TENM2: variants seen among roughly 807,000 people sequenced by gnomAD.
TENM2 encodes the protein teneurin-2.
TENM2 carries 52 observed loss-of-function variants against 245.2 expected under a neutral mutation model. The observed-to-expected ratio is 0.21, with a 90% CI of 0.17 to 0.27. The LOEUF (loss-of-function observed/expected upper bound fraction) is 0.27, where lower values mean the gene tolerates loss of function less well. Ranked by LOEUF, TENM2 falls within the 10% of genes least tolerant of loss-of-function variation. The pLI, the probability that TENM2 is intolerant of heterozygous loss-of-function variation, is 1.00. For missense variants in TENM2, 3,046 were observed against 3,666.8 expected (o/e 0.83, Z 4.37); for synonymous variants, 1,363 against 1,438.9 (o/e 0.95, Z 1.19).
chr5:168,122,189 T>TTTTGC (rs1554201823), intron 10 of TENM2, among the ~76,000 whole-genome samples: 1 of 152,160 alleles, frequency 6.6e-6, no homozygotes, highest in Non-Finnish European at 1.5e-5. Flanking sequence ...TTTTGTTTTG[T>TTTTGC]TTTTTGAGAC....
At chr5:168,220,904 C>T (rs1763613425) in intron 23 of TENM2, among the ~76,000 whole-genome samples, 1 of 152,080 alleles carries the variant, frequency 6.6e-6, no homozygotes. Flanking sequence ...TGGAGGCCAG[C>T]AGTTTGAGAC....
chr5:167,035,549 C>G, the TENM2 span, among the ~76,000 whole-genome samples: 2 of 152,164 alleles, frequency 1.3e-5, no homozygotes, highest in African/African-American at 4.8e-5. Flanking sequence ...TCACAGTCTC[C>G]TATCTGTTGG....
the TENM2 span, among the ~76,000 whole-genome samples, chr5:167,121,200 T>C: frequency 6.6e-6 from 1 of 152,108 alleles, no homozygotes; most frequent in African/African-American, 2.4e-5. Context: ...TCATGGAGAT[T>C]CTATTCCAGT....
At chr5:167,093,231 C>T in the TENM2 span, among the ~76,000 whole-genome samples, 1 of 152,216 alleles carries the variant, frequency 6.6e-6, no homozygotes, top group African/African-American at 2.4e-5. Context: ...AATATCACTG[C>T]TCCCAGATTC....
chr5:167,285,157 T>G (rs1581663210), intron 1 of TENM2, 94 bp downstream of exon 3: 2 of 950,298 alleles, frequency 2.1e-6, no homozygotes, highest in African/African-American at 1.6e-5. Flanking sequence ...AGCATGGTGG[T>G]TTTTGACAGA....
At chr5:167,988,101 A>C (rs912977977) in intron 4 of TENM2, among the ~76,000 whole-genome samples, 1 of 152,114 alleles carries the variant, frequency 6.6e-6, no homozygotes, top group African/African-American at 2.4e-5. Context: ...CTGTGGAGGG[A>C]TCTGGCCTTG....
At chr5:167,914,676 A>G (rs1417720064) in intron 3 of TENM2, among the ~76,000 whole-genome samples, 1 of 152,190 alleles carries the variant, frequency 6.6e-6, no homozygotes, top group African/African-American at 2.4e-5. Flanking sequence ...CTAGAAGTCC[A>G]AAGTCAAGGT....
intron 13 of TENM2, among the ~76,000 whole-genome samples, chr5:168,184,070 C>T (rs1322066418): frequency 6.6e-6 from 1 of 152,196 alleles, no homozygotes; most frequent in East Asian, 1.9e-4. Flanking sequence ...GCCCTCCCAA[C>T]TAATACCTCC....
chr5:168,021,803 G>A (rs919186071), intron 5 of TENM2, among the ~76,000 whole-genome samples: 12 of 150,068 alleles, frequency 8.0e-5, no homozygotes, highest in African/African-American at 2.5e-4. Flanking sequence ...TATTTTAAAG[G>A]CAGATTCCAC....
At position 168,226,151 on chromosome 5, in the gene TENM2, C is replaced by A. The variant is rs781365198; in HGVS notation, c.5172C>A (p.His1724Gln). 12 of 1,613,718 alleles carry A rather than the reference C, an allele frequency of 7.4e-6. No individual in the cohort carries two copies. The South Asian group carries it at 1.2e-4, about 16-fold the overall frequency. ...CCACGGGGGTGGTAACCAGTCTGCA[C>A]CGGGAAATGGAGAAATCTATTACCA... The change falls in exon 24 of 29, where the codon CAC becomes CAA. Residue 1724 changes from histidine (H) to glutamine (Q), a missense_variant. By Grantham distance (24) the His-to-Gln change is conservative. Around this residue, in one of 2 missense-constraint regions of TENM2, gnomAD observed 2,704 missense variants for 3,331.9 expected, o/e 0.81. Coordinates refer to ENST00000518659, the Ensembl canonical transcript of TENM2.
At chr5:167,375,147 T>G in intron 1 of TENM2, 51 bp from the exon 4 acceptor site, 1 of 1,526,120 alleles carries the variant, frequency 6.6e-7, no homozygotes, top group Non-Finnish European at 8.8e-7. Context: ...ATTTTAACTT[T>G]GTAAAGCATC....
chr5:167,819,398 A>G (rs926611261), intron 2 of TENM2, among the ~76,000 whole-genome samples: 1 of 152,332 alleles, frequency 6.6e-6, no homozygotes, highest in Non-Finnish European at 1.5e-5. Flanking sequence ...CTGTTGAGAG[A>G]AGCAGGTGGC....
intron 2 of TENM2, among the ~76,000 whole-genome samples, chr5:167,837,191 A>G (rs1206260516): frequency 6.6e-6 from 1 of 152,162 alleles, no homozygotes. Flanking sequence ...GTGATTCAAT[A>G]TGTAGTTTCG....
At chr5:167,248,058 C>A in the TENM2 span, among the ~76,000 whole-genome samples, 3 of 152,048 alleles carry the variant, frequency 2.0e-5, no homozygotes, top group African/African-American at 7.2e-5. Context: ...GCAGAGGGAG[C>A]TCTAAAAATA....
At chr5:167,427,916 A>AC (rs1395970094) in intron 2 of TENM2, among the ~76,000 whole-genome samples, 4 of 146,648 alleles carry the variant, frequency 2.7e-5, no homozygotes, top group East Asian at 4.1e-4. Flanking sequence ...GAAGGAAGGG[A>AC]AGGAAGGAAG....
chr5:167,320,157 C>T (rs1483323116), intron 1 of TENM2, among the ~76,000 whole-genome samples: 1 of 152,168 alleles, frequency 6.6e-6, no homozygotes, highest in Non-Finnish European at 1.5e-5. Context: ...CTCATTCTAT[C>T]TTAACAGATG....
At chr5:167,865,214 T>A (rs1772203075) in intron 2 of TENM2, among the ~76,000 whole-genome samples, 1 of 152,220 alleles carries the variant, frequency 6.6e-6, no homozygotes, top group Non-Finnish European at 1.5e-5. Context: ...ATTTCCCCAG[T>A]AGCTCCTGAA....
At chr5:167,094,629 T>C in the TENM2 span, among the ~76,000 whole-genome samples, 217 of 152,358 alleles carry the variant, frequency 1.4e-3, no homozygotes, top group African/African-American at 4.9e-3. Context: ...GTCCTCTAAA[T>C]TGATCATGTT....
intron 2 of TENM2, among the ~76,000 whole-genome samples, chr5:167,659,058 TTG>T (rs1755036070): frequency 6.6e-6 from 1 of 152,172 alleles, no homozygotes; most frequent in Non-Finnish European, 1.5e-5. Flanking sequence ...CTATTCAAAT[TTG>T]GTTGCAAAAT....
Sources: gnomAD v4.1 joint callset for allele counts (sites outside exome capture counted in the v4.1 genomes callset) on GRCh38, gnomAD v4.1.1 for gene constraint, gnomAD v4.1.1 regional missense constraint, MANE v1.5 for transcripts, NCBI Gene and HGNC (gene_info 2026-07-23, HGNC 2026-07-21) for gene names.